The following PSMA5 variants were observed in gnomAD, a reference collection of about 807,000 sequenced individuals.
The protein encoded by PSMA5 is proteasome subunit alpha type-5.
PSMA5 carries 3 observed loss-of-function variants against 34.5 expected under a neutral mutation model. The observed-to-expected ratio is 0.09, with a 90% CI of 0.04 to 0.22. The LOEUF is 0.22. Among genes scored for constraint, PSMA5 ranks in the 10% least tolerant of loss-of-function variants. PSMA5 has a pLI of 1.00. For missense variants in PSMA5, 120 were observed against 286.1 expected, an observed-to-expected ratio of 0.42 and a Z score of 4.19; for synonymous variants, 88 against 95.8, an observed-to-expected ratio of 0.92 and a Z score of 0.47.
intron 1 of PSMA5, 32 bp from the exon 2 acceptor site, chr1:109,421,958 T>C (rs775767703): frequency 1.5e-6 from 2 of 1,355,276 alleles, no homozygotes; most frequent in South Asian, 3.2e-5. Flanking sequence ...TTAATTATAC[T>C]CATAAAAACT....
chr1:109,411,409 A>G (rs536380760), intron 6 of PSMA5, among the ~76,000 whole-genome samples: 2 of 152,308 alleles, frequency 1.3e-5, no homozygotes, highest in Admixed American at 1.3e-4. Context: ...AACATTCCAG[A>G]GCAAAGTTCT....
intron 8 of PSMA5, among the ~76,000 whole-genome samples, chr1:109,402,582 A>G (rs1169524695): frequency 6.6e-6 from 1 of 152,228 alleles, no homozygotes; most frequent in Non-Finnish European, 1.5e-5. Flanking sequence ...GTGAGGATTA[A>G]ATGTTAATAT....
chr1:109,402,217 G>A (rs1404663115), intron 8 of PSMA5, 127 bp from the exon 9 acceptor site: 5 of 581,216 alleles, frequency 8.6e-6, no homozygotes, highest in Non-Finnish European at 1.2e-5. Context: ...GCTGTCCCAA[G>A]GATATCCTTT....
intron 1 of PSMA5, among the ~76,000 whole-genome samples, chr1:109,423,147 T>C (rs1654515508): frequency 1.3e-5 from 2 of 152,226 alleles, no homozygotes; most frequent in South Asian, 2.1e-4. Context: ...TGTCATATAG[T>C]AGTGCTTTTG....
At chr1:109,426,057 A>G in intron 1 of PSMA5, 1 of 584,036 alleles carries the variant, frequency 1.7e-6, no homozygotes, top group Non-Finnish European at 3.1e-6. Flanking sequence ...ACCAAGCACC[A>G]GCCGGAGCTT....
In PSMA5 at chr1:109,415,200, AC is replaced by A. The variant is rs1379228747; in HGVS notation, c.223+36del. 3.7e-6 allele frequency: 6 copies of A among 1,600,724 alleles called. No homozygotes were observed. In the African/African-American group the frequency reaches 8.0e-5, roughly 21 times the overall value. The stretch of plus-strand genomic sequence containing the variant: ...CATCATAGAGGACTAATTAACCCAG[AC>A]CAGATCCTACAGAACAGCTTTCCTC... On this transcript the variant is annotated intron_variant, in intron 3 of 8. Coordinates refer to ENST00000271308, the MANE Select transcript of PSMA5 (RefSeq NM_002790.4).
At position 109,401,004 on chromosome 1, in the gene PSMA5, A is replaced by C. The variant is rs1653492985; in HGVS notation, c.*1009T>G. Reference sequence around the variant, plus strand: ...CCCAACAGCTTAATTTTGTGTGTCCATGGGCACACAGCATTAGATTCTTCA... The same window carrying C: ...CCCAACAGCTTAATTTTGTGTGTCCCTGGGCACACAGCATTAGATTCTTCA... On this transcript the variant is annotated 3_prime_UTR_variant, in exon 9 of 9. Coordinates refer to ENST00000271308, the MANE Select transcript of PSMA5 (RefSeq NM_002790.4). 1 of 152,190 alleles carries C rather than the reference A, an allele frequency of 6.6e-6. No homozygotes were observed. The highest frequency in any genetic ancestry group is 1.5e-5 in the Non-Finnish European group (1 of 68,040). 9.4% of individuals were successfully genotyped at this position (152,190 alleles called of 1,614,324 possible).
chr1:109,406,909 T>C (rs1302530686), intron 8 of PSMA5, among the ~76,000 whole-genome samples: 6 of 152,160 alleles, frequency 3.9e-5, no homozygotes, highest in South Asian at 4.1e-4. Flanking sequence ...AAAAAGTTCA[T>C]TGAAAGTAAG....
intron 8 of PSMA5, 62 bp from the exon 9 acceptor site, chr1:109,402,152 T>C (rs1653558929): frequency 3.2e-6 from 4 of 1,237,354 alleles, no homozygotes; most frequent in Non-Finnish European, 4.7e-6. Flanking sequence ...GGCCCTACCA[T>C]GGTCAGGAGA....
At chr1:109,415,086 A>T in intron 3 of PSMA5, 151 bp downstream of exon 3, 1 of 908,294 alleles carries the variant, frequency 1.1e-6, no homozygotes, top group Non-Finnish European at 1.6e-6. Flanking sequence ...ACAGCCTCCT[A>T]CTCCTACATT....
intron 2 of PSMA5, among the ~76,000 whole-genome samples, chr1:109,415,894 A>C (rs1336600109): frequency 1.3e-5 from 2 of 152,194 alleles, no homozygotes; most frequent in East Asian, 3.9e-4. Context: ...AAAGGAAGGT[A>C]GGGAGGGACG....
At chr1:109,422,322 G>A (rs1041473999) in intron 1 of PSMA5, among the ~76,000 whole-genome samples, 2 of 152,112 alleles carry the variant, frequency 1.3e-5, no homozygotes. Flanking sequence ...ACATGCATAT[G>A]ACGTTAATAC....
intron 8 of PSMA5, among the ~76,000 whole-genome samples, chr1:109,409,099 C>CA (rs1406953108): frequency 1.3e-5 from 2 of 152,186 alleles, no homozygotes; most frequent in Non-Finnish European, 2.9e-5. Flanking sequence ...TGACACTAAT[C>CA]AAACTTCTTG....
intron 8 of PSMA5, among the ~76,000 whole-genome samples, chr1:109,406,633 G>C (rs1044372058): frequency 6.6e-6 from 1 of 152,132 alleles, no homozygotes; most frequent in South Asian, 2.1e-4. Flanking sequence ...ATGAGTTCAA[G>C]ACCAGTCTAG....
rs186393468 is a variant in PSMA5, at chr1:109,417,251, T to C, written c.97-1888A>G. ...GGCATAAATCCACTATAACAGAGAG[T>C]GGGAGAAGACACAGCAACAAAACTT... On this transcript the variant is annotated intron_variant, in intron 2 of 8. Coordinates refer to ENST00000271308, the MANE Select transcript of PSMA5 (RefSeq NM_002790.4). Among the ~76,000 whole-genome samples the C allele has an allele frequency of 2.0e-5, 3 of 151,988 alleles. No individual in the cohort carries two copies. In the East Asian group the frequency reaches 5.8e-4, roughly 29 times the overall value.
intron 7 of PSMA5, among the ~76,000 whole-genome samples, chr1:109,410,261 T>C (rs537113903): frequency 1.3e-5 from 2 of 152,320 alleles, no homozygotes; most frequent in East Asian, 3.9e-4. Context: ...AAAGTAATCT[T>C]TGAAGAAGGG....
intron 8 of PSMA5, among the ~76,000 whole-genome samples, chr1:109,407,605 G>A (rs1186613551): frequency 6.6e-6 from 1 of 152,060 alleles, no homozygotes; most frequent in African/African-American, 2.4e-5. Context: ...TTTAATTACT[G>A]ATATATAATT....
chr1:109,418,894 C>T (rs564821362), intron 2 of PSMA5, among the ~76,000 whole-genome samples: 2 of 152,262 alleles, frequency 1.3e-5, no homozygotes, highest in African/African-American at 4.8e-5. Context: ...GTGGCTCATG[C>T]CTATAATCCC....
chr1:109,404,002 G>T (rs1428542251), intron 8 of PSMA5, among the ~76,000 whole-genome samples: 4 of 152,062 alleles, frequency 2.6e-5, no homozygotes, highest in Non-Finnish European at 5.9e-5. Context: ...CCATTCCAAG[G>T]ATATTTAAAC....
Sources: gnomAD v4.1 joint callset for allele counts (sites outside exome capture counted in the v4.1 genomes callset) on GRCh38, gnomAD v4.1.1 for gene constraint, MANE v1.5 for transcripts, NCBI Gene and HGNC (gene_info 2026-07-23, HGNC 2026-07-21) for gene names.